The following ENTREP2 variants were observed in gnomAD, a reference collection of about 807,000 sequenced individuals.
The protein encoded by ENTREP2 is protein ENTREP2.
At chr15:29,153,310 A>G in the ENTREP2 span, among the ~76,000 whole-genome samples, 1 of 152,182 alleles carries the variant, frequency 6.6e-6, no homozygotes, top group Non-Finnish European at 1.5e-5. Flanking sequence ...CAAAAATACC[A>G]TAGACCAGGT....
At chr15:29,273,951 G>C in the ENTREP2 span, among the ~76,000 whole-genome samples, 1 of 152,118 alleles carries the variant, frequency 6.6e-6, no homozygotes, top group Non-Finnish European at 1.5e-5. Flanking sequence ...GCTTGCAGAT[G>C]GCCTATTGTG....
chr15:29,543,865 T>C, the ENTREP2 span, among the ~76,000 whole-genome samples: 2 of 152,058 alleles, frequency 1.3e-5, no homozygotes, highest in Non-Finnish European at 2.9e-5. Flanking sequence ...CAAAGATTGG[T>C]CTTGGTCTAT....
At chr15:29,398,535 C>A in the ENTREP2 span, among the ~76,000 whole-genome samples, 4 of 151,890 alleles carry the variant, frequency 2.6e-5, no homozygotes, top group African/African-American at 9.7e-5. Flanking sequence ...ACCAGCCTGG[C>A]CAACATGGTA....
chr15:29,246,703 CA>C, the ENTREP2 span, among the ~76,000 whole-genome samples: 913 of 141,892 alleles, frequency 6.4e-3, 9 homozygotes, highest in African/African-American at 0.018. Flanking sequence ...AACTCCATCT[CA>C]AAAAAAAAAA....
the ENTREP2 span, among the ~76,000 whole-genome samples, chr15:29,227,727 G>A: frequency 2.0e-5 from 3 of 152,148 alleles, no homozygotes; most frequent in Non-Finnish European, 4.4e-5. Flanking sequence ...TTAATCCTGG[G>A]GAGACTGTTT....
At chr15:29,671,690 T>C in the ENTREP2 span, among the ~76,000 whole-genome samples, 1 of 152,220 alleles carries the variant, frequency 6.6e-6, no homozygotes, top group Non-Finnish European at 1.5e-5. Context: ...TGGGCCTTTA[T>C]TAAGAAAAGA....
the ENTREP2 span, among the ~76,000 whole-genome samples, chr15:29,135,889 C>T: frequency 6.6e-6 from 1 of 152,224 alleles, no homozygotes; most frequent in Admixed American, 6.5e-5. This position sits in a 1 kb window ranked among gnomAD's most constrained non-coding sequence, Gnocchi z 7.4. Context: ...GTGATCAAGA[C>T]AGGCCGGGGC....
the ENTREP2 span, among the ~76,000 whole-genome samples, chr15:29,476,210 G>A: frequency 6.6e-6 from 1 of 152,114 alleles, no homozygotes; most frequent in Non-Finnish European, 1.5e-5. Flanking sequence ...ACAGGAAACT[G>A]GCTATTTACA....
chr15:29,436,030 G>A, the ENTREP2 span, among the ~76,000 whole-genome samples: 1 of 152,152 alleles, frequency 6.6e-6, no homozygotes, highest in Non-Finnish European at 1.5e-5. Flanking sequence ...TGGGATCTGG[G>A]CAAAGTAGAA....
chr15:29,363,217 T>A, the ENTREP2 span, among the ~76,000 whole-genome samples: 1 of 152,226 alleles, frequency 6.6e-6, no homozygotes, highest in Non-Finnish European at 1.5e-5. Context: ...AGTGGATTTA[T>A]AATGAATTTT....
chr15:29,534,054 A>G, the ENTREP2 span, among the ~76,000 whole-genome samples: 3 of 138,970 alleles, frequency 2.2e-5, no homozygotes, highest in African/African-American at 7.9e-5. Context: ...AGAGTGTCAT[A>G]TGTCCAACCT....
At chr15:29,356,248 G>GTA in the ENTREP2 span, among the ~76,000 whole-genome samples, 12 of 111,242 alleles carry the variant, frequency 1.1e-4, no homozygotes, top group South Asian at 3.3e-4. Context: ...GATATGAAAT[G>GTA]TATATATATG....
chr15:29,397,077 A>T, the ENTREP2 span, among the ~76,000 whole-genome samples: 1 of 152,308 alleles, frequency 6.6e-6, no homozygotes, highest in Admixed American at 6.5e-5. Flanking sequence ...ACAGAAAGGC[A>T]ACTGCTCCTC....
chr15:29,316,420 AACATG>A, the ENTREP2 span, among the ~76,000 whole-genome samples: 8 of 152,206 alleles, frequency 5.3e-5, no homozygotes, highest in Non-Finnish European at 8.8e-5. Flanking sequence ...CAGAAATTTG[AACATG>A]AGGTATTTGA....
chr15:29,586,538 CAG>C, the ENTREP2 span, among the ~76,000 whole-genome samples: 1 of 152,144 alleles, frequency 6.6e-6, no homozygotes, highest in South Asian at 2.1e-4. Context: ...AGGCTGGCCA[CAG>C]AGGCTGACAC....
chr15:29,595,848 T>C, the ENTREP2 span, among the ~76,000 whole-genome samples: 1 of 152,212 alleles, frequency 6.6e-6, no homozygotes, highest in South Asian at 2.1e-4. Context: ...CTTTGGACTT[T>C]GGGGGCTCTT....
chr15:29,521,055 T>TGTCTGC, the ENTREP2 span, among the ~76,000 whole-genome samples: 127 of 152,298 alleles, frequency 8.3e-4, 1 homozygote, highest in African/African-American at 3.0e-3. Flanking sequence ...TATTTGGTAA[T>TGTCTGC]GTCTGGAGGC....
chr15:29,231,906 T>TTTTTTTTTTG, the ENTREP2 span, among the ~76,000 whole-genome samples: 1 of 149,582 alleles, frequency 6.7e-6, no homozygotes. Context: ...TTTTTTTTTT[T>TTTTTTTTTTG]TTGAGACGGA....
At chr15:29,511,506 TA>T in the ENTREP2 span, among the ~76,000 whole-genome samples, 4 of 151,464 alleles carry the variant, frequency 2.6e-5, no homozygotes, top group Non-Finnish European at 5.9e-5. Context: ...TTTTTTTTTT[TA>T]TTTTTTGTAG....
Sources: gnomAD v4.1 joint callset for allele counts (sites outside exome capture counted in the v4.1 genomes callset) on GRCh38, gnomAD v4.1.1 for gene constraint, Gnocchi (gnomAD v3.1) non-coding constraint, MANE v1.5 for transcripts, NCBI Gene and HGNC (gene_info 2026-07-23, HGNC 2026-07-21) for gene names.